The following SLC22A5 variants were observed in gnomAD, a reference collection of about 807,000 sequenced individuals.
SLC22A5 encodes the protein organic cation/carnitine transporter 2.
SLC22A5 carries 44 observed loss-of-function variants against 56.7 expected under a neutral mutation model. That is an observed-to-expected ratio of 0.78 (90% CI 0.61 to 1.00). The LOEUF (loss-of-function observed/expected upper bound fraction) is 1.00, where lower values mean the gene tolerates loss of function less well. SLC22A5 is among the 50% of genes least tolerant of loss of function. The probability of loss-of-function intolerance (pLI) is 0.00; values close to 1 mark genes in which losing one functional copy is unlikely to be tolerated. For missense variants in SLC22A5, 675 were observed against 723.0 expected (o/e 0.93, Z 0.76); for synonymous variants, 278 against 292.1 (o/e 0.95, Z 0.49).
chr5:132,388,984 A>C lies in SLC22A5; in HGVS notation c.1015A>C (p.Asn339His). The C allele has an allele frequency of 6.2e-7, 1 of 1,613,906 alleles. No homozygotes were observed. The highest frequency in any genetic ancestry group is 8.5e-7 in the Non-Finnish European group (1 of 1,179,754). Residue 339 changes from asparagine (N) to histidine (H), a missense_variant, in exon 6 of 10, where the codon AAT becomes CAT. Transcript: ENST00000245407. The stretch of plus-strand genomic sequence containing the variant: ...CATTCTGGATCTGCTTCGAACCTGG[A>C]ATATCCGGATGGTCACCATCATGTC... ...HNILDLLRTW[N>H]IRMVTIMSIM...
At chr5:132,378,355 C>A (rs757044712) in intron 1 of SLC22A5, 23 bp from the exon 2 acceptor site, 1 of 1,611,472 alleles carries the variant, frequency 6.2e-7, no homozygotes, top group Non-Finnish European at 8.5e-7. Flanking sequence ...GTGAATGATA[C>A]ACCCCCTTTG....
In SLC22A5 at chr5:132,370,193, G is replaced by T; in HGVS notation, c.221G>T (p.Gly74Val). Residue 74 changes from glycine (G) to valine (V), a missense_variant, in exon 1 of 10, where the codon GGC (glycine) becomes GTC (valine). By Grantham distance (109) the Gly-to-Val change is moderately radical. Transcript: ENST00000245407. ...NHTVPLRLRD[G>V]REVPHSCRRY... Reference sequence around the variant, plus strand: ...ACTGTCCCACTGCGGCTGCGGGACGGCCGCGAGGTGCCCCACAGCTGCCGC... The same window carrying T: ...ACTGTCCCACTGCGGCTGCGGGACGTCCGCGAGGTGCCCCACAGCTGCCGC... 1 of 1,592,436 alleles carries T rather than the reference G, an allele frequency of 6.3e-7. No homozygotes were observed. The highest frequency in any genetic ancestry group is 8.5e-7 in the Non-Finnish European group (1 of 1,169,844).
At position 132,393,676 on chromosome 5, in the gene SLC22A5, G is replaced by T. The variant is rs28383480; in HGVS notation, c.1451G>T (p.Gly484Val). ...SILSPYFVYLGAYDRFLPYIL... is the reference protein window; with the variant it reads ...SILSPYFVYLVAYDRFLPYIL... Reference sequence around the variant, plus strand: ...TGAGGCTCCGTCTGCTTTGCCATAGGTGCCTACGACCGCTTCCTGCCCTAC... The same window carrying T: ...TGAGGCTCCGTCTGCTTTGCCATAGTTGCCTACGACCGCTTCCTGCCCTAC... The change falls in exon 9 of 10, where the codon GGT becomes GTT. Residue 484 changes from glycine to valine, a missense_variant and splice_region_variant. Coordinates refer to ENST00000245407, the MANE Select transcript of SLC22A5 (RefSeq NM_003060.4). The T allele has an allele frequency of 3.2e-4, 520 of 1,614,140 alleles. No individual in the cohort carries two copies. The highest frequency in any genetic ancestry group is 3.6e-4 in the Non-Finnish European group (426 of 1,180,010).
Position 132,370,605 on chromosome 5 carries a change from G to A in SLC22A5, c.393+240G>A, listed in dbSNP as rs575261935. Reference sequence around the variant, plus strand: ...GGTCAGTCTGGCCTCCCGTCCTGATGGCCACTTTGAAGAGGGTACCAGGAA... The same window carrying A: ...GGTCAGTCTGGCCTCCCGTCCTGATAGCCACTTTGAAGAGGGTACCAGGAA... On this transcript the variant is annotated intron_variant, in intron 1 of 9. Transcript: ENST00000245407. Among the ~76,000 whole-genome samples the A allele has an allele frequency of 4.6e-5, 7 of 152,278 alleles. No homozygotes were observed. The South Asian group carries it at 1.5e-3, about 32-fold the overall frequency.
At chr5:132,393,632 CT>C in intron 8 of SLC22A5, 43 bp from the exon 9 acceptor site, 1 of 1,612,922 alleles carries the variant, frequency 6.2e-7, no homozygotes, top group Non-Finnish European at 8.5e-7. Context: ...GAGACCAAGT[CT>C]AACTGCAGCC....
intron 2 of SLC22A5, chr5:132,379,962 G>A (rs1352026473): frequency 2.6e-5 from 4 of 152,216 alleles, no homozygotes; most frequent in African/African-American, 9.7e-5. Flanking sequence ...ACTGTTCTAG[G>A]TCCCTGCTGT....
intron 5 of SLC22A5, among the ~76,000 whole-genome samples, chr5:132,388,043 A>G (rs1193685838): frequency 6.6e-6 from 1 of 152,204 alleles, no homozygotes; most frequent in Non-Finnish European, 1.5e-5. Context: ...GCCAATGGCC[A>G]CTGCCAGCCC....
chr5:132,378,726 C>T, intron 2 of SLC22A5: 1 of 519,828 alleles, frequency 1.9e-6, no homozygotes, highest in South Asian at 2.1e-5. Flanking sequence ...ACCCGGTTGA[C>T]TAGGTAATAT....
intron 4 of SLC22A5, among the ~76,000 whole-genome samples, chr5:132,386,341 T>A (rs1408473281): frequency 6.6e-6 from 1 of 151,916 alleles, no homozygotes; most frequent in Non-Finnish European, 1.5e-5. Context: ...GATTCTCATG[T>A]CTCAGCCTCC....
chr5:132,375,323 A>G (rs915095993), intron 1 of SLC22A5, among the ~76,000 whole-genome samples: 3 of 152,192 alleles, frequency 2.0e-5, no homozygotes, highest in African/African-American at 4.8e-5. Flanking sequence ...AGGATTCATC[A>G]TTGATTTCAG....
intron 1 of SLC22A5, among the ~76,000 whole-genome samples, chr5:132,374,353 G>A (rs1752056714): frequency 6.6e-6 from 1 of 152,228 alleles, no homozygotes; most frequent in African/African-American, 2.4e-5. Flanking sequence ...TCCTGGACTA[G>A]CTTTTCTATC....
chr5:132,384,125 G>A, intron 2 of SLC22A5, 22 bp from the exon 3 acceptor site: 3 of 1,613,914 alleles, frequency 1.9e-6, no homozygotes, highest in South Asian at 1.1e-5. Flanking sequence ...CTGGTTATCT[G>A]TCACTCTCCT....
chr5:132,375,133 CTAAAGTA>C (rs1326700489), intron 1 of SLC22A5, among the ~76,000 whole-genome samples: 2 of 152,188 alleles, frequency 1.3e-5, no homozygotes, highest in African/African-American at 4.8e-5. Context: ...CAAGCAAGAA[CTAAAGTA>C]TACCAAGATG....
In SLC22A5 at chr5:132,371,911, T is replaced by G. The variant is rs1242677076; in HGVS notation, c.393+1546T>G. 2.0e-5 allele frequency among the ~76,000 whole-genome samples: 3 copies of G among 152,134 alleles called. No individual in the cohort carries two copies. The East Asian group carries it at 5.8e-4, about 29-fold the overall frequency. ...TTACAGGGGCTCTGGAGATCCCAACTGTGTTGCTTCTTGGCGTCATCACCC... is the reference window on the plus strand; with the variant it reads ...TTACAGGGGCTCTGGAGATCCCAACGGTGTTGCTTCTTGGCGTCATCACCC... On this transcript the variant is annotated intron_variant, in intron 1 of 9. Transcript: ENST00000245407.
chr5:132,372,273 A>G (rs1004256466), intron 1 of SLC22A5, among the ~76,000 whole-genome samples: 4 of 152,200 alleles, frequency 2.6e-5, no homozygotes, highest in African/African-American at 7.2e-5. Flanking sequence ...AGTGAGTACT[A>G]TGAAAGCAGA....
At chr5:132,374,083 G>GC (rs1752046568) in intron 1 of SLC22A5, among the ~76,000 whole-genome samples, 2 of 152,106 alleles carry the variant, frequency 1.3e-5, no homozygotes, top group Non-Finnish European at 2.9e-5. Flanking sequence ...CTGCGTGGTG[G>GC]TGGGTGCCTG....
At position 132,370,163 on chromosome 5, in the gene SLC22A5, A is replaced by T. The variant is rs749914366; in HGVS notation, c.191A>T (p.Asn64Ile). The T allele has an allele frequency of 1.9e-6, 3 of 1,607,730 alleles. No individual in the cohort carries two copies. The highest frequency in any genetic ancestry group is 4.5e-5 in the East Asian group (2 of 44,568). Residue 64 changes from asparagine (N) to isoleucine (I), a missense_variant, in exon 1 of 10, where the codon AAC (asparagine) becomes ATC (isoleucine). By Grantham distance (149) the Asn-to-Ile change is moderately radical. Transcript: ENST00000245407. ...DAANLSSAWRNHTVPLRLRDG... is the reference protein window; with the variant it reads ...DAANLSSAWRIHTVPLRLRDG... ...GCGAACCTGAGCAGCGCCTGGCGCA[A>T]CCACACTGTCCCACTGCGGCTGCGG...
Position 132,370,430 on chromosome 5 carries a change from C to A in SLC22A5, c.393+65C>A, listed in dbSNP as rs536865707. ...GAGGACCTGTCGCGGTCCTTGAACC[C>A]GAGCTCCTCTCTCCCAGATGCGCAC... On this transcript the variant is annotated intron_variant, in intron 1 of 9. Coordinates refer to ENST00000245407, the MANE Select transcript of SLC22A5 (RefSeq NM_003060.4). The A allele has an allele frequency of 5.5e-5, 85 of 1,546,320 alleles. No homozygotes were observed. The South Asian group carries it at 8.0e-4, about 15-fold the overall frequency.
chr5:132,378,618 A>T lies in SLC22A5; in HGVS notation c.497+137A>T. 8 of 742,578 alleles carry T rather than the reference A, an allele frequency of 1.1e-5. No individual in the cohort carries two copies. In the South Asian group the frequency reaches 1.2e-4, roughly 11 times the overall value. The allele number at this position is 742,578 out of a possible 1,614,324, so 46.0% of individuals were successfully genotyped here. On this transcript the variant is annotated intron_variant, in intron 2 of 9. Transcript: ENST00000245407. The stretch of plus-strand genomic sequence containing the variant: ...TAAAGAAGAGGAAGCTATGTCTGTG[A>T]TATAGACTCCATGCCTAGTAAGAAG...
Sources: allele counts gnomAD v4.1 joint callset (sites outside exome capture counted in the v4.1 genomes callset), GRCh38; gene constraint gnomAD v4.1.1; transcripts MANE v1.5; gene names NCBI Gene and HGNC (gene_info 2026-07-23, HGNC 2026-07-21).